The following EFCC1 variants were observed in gnomAD, a reference collection of about 807,000 sequenced individuals.
EFCC1 encodes the protein EF-hand and coiled-coil domain containing 1, also known as EF-hand and coiled-coil domain-containing protein 1.
EFCC1 carries 50 observed loss-of-function variants against 52.1 expected under a neutral mutation model. The ratio of observed to expected loss-of-function variants is 0.96; its 90% CI spans 0.76 to 1.21. The LOEUF is 1.21. Among genes scored for constraint, EFCC1 ranks in the 50% most tolerant of loss-of-function variants. The pLI is 0.00. For synonymous variants in EFCC1, 399 were observed against 396.5 expected, an observed-to-expected ratio of 1.01 and a Z score of -0.08; for missense variants, 837 against 867.3, an observed-to-expected ratio of 0.97 and a Z score of 0.44.
rs1047682690 is a variant in EFCC1, at chr3:129,004,071, G to T, written c.974G>T (p.Arg325Leu). ...WVRRLEAELQ[R>L]YRSEDSQLPT... Reference sequence around the variant, plus strand: ...CGGCGGCTGGAGGCGGAGCTGCAACGCTACAGGTGAGCGGGGGCGCGTGCC... The same window carrying T: ...CGGCGGCTGGAGGCGGAGCTGCAACTCTACAGGTGAGCGGGGGCGCGTGCC... The change falls in exon 2 of 8, where the codon CGC becomes CTC. Residue 325 changes from arginine (R) to leucine (L), a missense_variant. Coordinates refer to ENST00000683648, the MANE Select transcript of EFCC1 (RefSeq NM_001377500.1). 6.7e-7 allele frequency: 1 copy of T among 1,503,078 alleles called. No individual in the cohort carries two copies. Among genetic ancestry groups the T allele is most frequent in the Non-Finnish European group, 8.8e-7 (1 of 1,132,472 alleles). The allele number at this position is 1,503,078 out of a possible 1,614,324, so 93.1% of individuals were successfully genotyped here. A position where few individuals can be genotyped will look rare whatever the true frequency, so the allele number is the denominator to read the frequency against.
chr3:129,026,978 G>C (rs1946133621), intron 2 of EFCC1, among the ~76,000 whole-genome samples: 1 of 152,172 alleles, frequency 6.6e-6, no homozygotes, highest in Non-Finnish European at 1.5e-5. Flanking sequence ...GCCTGATCCA[G>C]CAGCTCAACT....
Position 129,003,842 on chromosome 3 carries a change from G to A in EFCC1, c.745G>A (p.Gly249Arg), listed in dbSNP as rs114656923. The A allele has an allele frequency of 0.011, 16,353 of 1,458,774 alleles. 601 individuals are homozygous for A. The highest frequency in any genetic ancestry group is 0.11 in the African/African-American group (7,290 of 67,838). 90.4% of individuals were successfully genotyped at this position (1,458,774 alleles called of 1,614,324 possible). A position where few individuals can be genotyped will look rare whatever the true frequency, so the allele number is the denominator to read the frequency against. The change falls in exon 2 of 8, where the codon GGG becomes AGG. Residue 249 changes from glycine to arginine, a missense_variant. Transcript: ENST00000683648. ...GAGCACCCACGAGATGGGGCACGGC[G>A]GGCCGGAGGCTGCGGTGCGGGAGCT... ...QASTHEMGHG[G>R]PEAAVRELRQ...
chr3:129,004,171 G>T, intron 2 of EFCC1, 94 bp downstream of exon 2: 1 of 1,305,602 alleles, frequency 7.7e-7, no homozygotes, highest in Non-Finnish European at 9.8e-7. Flanking sequence ...ACGCGCTCTC[G>T]TGTTCCGCAG....
At chr3:129,012,480 G>A (rs1945373302) in intron 2 of EFCC1, among the ~76,000 whole-genome samples, 1 of 152,136 alleles carries the variant, frequency 6.6e-6, no homozygotes, top group East Asian at 1.9e-4. Flanking sequence ...GAACATGGCT[G>A]CAGGGACCCC....
chr3:129,024,200 T>C (rs1295288646), intron 2 of EFCC1, among the ~76,000 whole-genome samples: 2 of 152,134 alleles, frequency 1.3e-5, no homozygotes, highest in African/African-American at 4.8e-5. Context: ...TTTGTTCTGC[T>C]GTAACAGAAT....
rs1946409088 is a variant in EFCC1 at position 129,040,565 on chromosome 3, C to T, written c.*717C>T. The stretch of plus-strand genomic sequence containing the variant: ...CCCTGCTCCTGAACACGCATTAACT[C>T]CTGAACTGCGAGCCCCTCCTCCTGA... On this transcript the variant is annotated 3_prime_UTR_variant, in exon 8 of 8. Coordinates refer to ENST00000683648, the MANE Select transcript of EFCC1 (RefSeq NM_001377500.1). This position sits in a 1 kb window ranked among gnomAD's most constrained non-coding sequence, Gnocchi z 4.4. 6.6e-6 allele frequency: 1 copy of T among 152,234 alleles called. No individual in the cohort carries two copies. The highest frequency in any genetic ancestry group is 6.5e-5 in the Admixed American group (1 of 15,280). 9.4% of individuals were successfully genotyped at this position (152,234 alleles called of 1,614,324 possible).
At chr3:129,003,029 T>C (rs1944872532) in intron 1 of EFCC1, among the ~76,000 whole-genome samples, 1 of 152,114 alleles carries the variant, frequency 6.6e-6, no homozygotes, top group Admixed American at 6.5e-5. Context: ...AGGGCAGTGC[T>C]GGGCCGCAGG....
In EFCC1 at chr3:129,011,573, A is replaced by G. The variant is rs55743728; in HGVS notation, c.980+7496A>G. ...CTCAAAAAAAAAAAAAAAAGAATGA[A>G]GCAGGGACACTCATTCTTGTCTATC... is the stretch of plus-strand genomic sequence containing the variant. On this transcript the variant is annotated intron_variant, in intron 2 of 7. Coordinates refer to ENST00000683648, the MANE Select transcript of EFCC1 (RefSeq NM_001377500.1). Among the ~76,000 whole-genome samples, 685 of 151,600 alleles carry G rather than the reference A, an allele frequency of 4.5e-3. 6 individuals are homozygous for G. Among genetic ancestry groups the G allele is most frequent in the African/African-American group, 0.016 (664 of 41,354 alleles).
In EFCC1 at chr3:129,010,819, T is replaced by C. The variant is rs546428931; in HGVS notation, c.980+6742T>C. 2.0e-5 allele frequency among the ~76,000 whole-genome samples: 3 copies of C among 152,170 alleles called. No homozygotes were observed. The East Asian group carries it at 5.8e-4, about 30-fold the overall frequency. On this transcript the variant is annotated intron_variant, in intron 2 of 7. Coordinates refer to ENST00000683648, the MANE Select transcript of EFCC1 (RefSeq NM_001377500.1). This position sits in a 1 kb window ranked among gnomAD's most constrained non-coding sequence, Gnocchi z 4.3. The stretch of plus-strand genomic sequence containing the variant: ...GCCTTTCCTCCTCCAGGAACAATAC[T>C]CAGGCTCACAAAGAGGCAGACCCAC...
At chr3:129,005,560 G>A (rs1945036298) in intron 2 of EFCC1, among the ~76,000 whole-genome samples, 1 of 152,258 alleles carries the variant, frequency 6.6e-6, no homozygotes, top group African/African-American at 2.4e-5. Flanking sequence ...AAGTTACCCT[G>A]GCTACAATGT....
rs528261452 is a variant in EFCC1, at chr3:129,016,510, A to G, written c.980+12433A>G. ...AGCTCATGGGCACGCCCGTGTCTAGAGCCTCTGGGGAAGCCCATAAGCCGT... is the reference window on the plus strand; with the variant it reads ...AGCTCATGGGCACGCCCGTGTCTAGGGCCTCTGGGGAAGCCCATAAGCCGT... On this transcript the variant is annotated intron_variant, in intron 2 of 7. Transcript: ENST00000683648. Among the ~76,000 whole-genome samples, 7 of 147,942 alleles carry G rather than the reference A, an allele frequency of 4.7e-5. No individual in the cohort carries two copies. In the South Asian group the frequency reaches 1.7e-3, roughly 36 times the overall value.
intron 1 of EFCC1, chr3:129,002,565 C>T (rs1944843621): frequency 2.8e-6 from 2 of 718,016 alleles, no homozygotes; most frequent in African/African-American, 1.9e-5. Context: ...CACACTCAAA[C>T]AACCATACCC....
chr3:129,013,481 C>A (rs1025331935), intron 2 of EFCC1, among the ~76,000 whole-genome samples: 2 of 152,204 alleles, frequency 1.3e-5, no homozygotes, highest in African/African-American at 4.8e-5. Context: ...TATCCTTTAT[C>A]TTGTCTTTCT....
intron 2 of EFCC1, among the ~76,000 whole-genome samples, chr3:129,009,450 G>C (rs541021229): frequency 6.6e-6 from 1 of 152,292 alleles, no homozygotes; most frequent in Admixed American, 6.5e-5. Context: ...AAGACCATCT[G>C]TCATCTGAAC....
chr3:129,025,086 T>C (rs1946045981), intron 2 of EFCC1, among the ~76,000 whole-genome samples: 1 of 151,978 alleles, frequency 6.6e-6, no homozygotes, highest in African/African-American at 2.4e-5. Context: ...GACATCCAAA[T>C]AGAGGTGCCA....
At chr3:129,013,640 G>A (rs1056510360) in intron 2 of EFCC1, among the ~76,000 whole-genome samples, 3 of 152,126 alleles carry the variant, frequency 2.0e-5, no homozygotes, top group Non-Finnish European at 4.4e-5. Flanking sequence ...ACCCATCCTG[G>A]AACCAGTCAC....
intron 5 of EFCC1, among the ~76,000 whole-genome samples, chr3:129,035,266 C>T (rs966471148): frequency 5.3e-5 from 8 of 152,192 alleles, no homozygotes; most frequent in Non-Finnish European, 1.0e-4. Context: ...ATGAACCACA[C>T]GCTCGGTGCT....
chr3:129,017,586 T>C (rs1292146464), intron 2 of EFCC1, among the ~76,000 whole-genome samples: 1 of 152,166 alleles, frequency 6.6e-6, no homozygotes, highest in Non-Finnish European at 1.5e-5. Flanking sequence ...CTGGGGTTGC[T>C]CTCTGCATTC....
At chr3:129,003,710 A>G (rs1337803349) in intron 1 of EFCC1, 84 bp from the exon 2 acceptor site, 1 of 1,224,920 alleles carries the variant, frequency 8.2e-7, no homozygotes, top group Non-Finnish European at 1.0e-6. Flanking sequence ...GTGCAGAGGC[A>G]TGGGGCCGCC....
Sources: gnomAD v4.1 joint callset for allele counts (sites outside exome capture counted in the v4.1 genomes callset) on GRCh38, gnomAD v4.1.1 for gene constraint, Gnocchi (gnomAD v3.1) non-coding constraint, MANE v1.5 for transcripts, NCBI Gene and HGNC (gene_info 2026-07-23, HGNC 2026-07-21) for gene names.